SOBP: variants seen among roughly 807,000 people sequenced by gnomAD.
SOBP encodes sine oculis-binding protein homolog.
Under a neutral mutation model 53.6 loss-of-function variants are expected in SOBP, and 4 were observed. That is an observed-to-expected ratio of 0.07 (90% confidence interval 0.04 to 0.17). The LOEUF is 0.17. Ranked by LOEUF, SOBP falls within the 10% of genes least tolerant of loss-of-function variation. The probability of loss-of-function intolerance (pLI) is 1.00; values close to 1 mark genes in which losing one functional copy is unlikely to be tolerated. For missense variants in SOBP, 1,088 were observed against 1,204.7 expected, an observed-to-expected ratio of 0.90 and a Z score of 1.43; for synonymous variants, 584 against 522.6, an observed-to-expected ratio of 1.12 and a Z score of -1.60.
chr6:107,529,412 A>G, intron 3 of SOBP: 3 of 981,920 alleles, frequency 3.1e-6, no homozygotes, highest in South Asian at 9.4e-5. Context: ...ACTTGTCTCA[A>G]ATATAATCCA....
chr6:107,567,512 C>A (rs576846922), intron 4 of SOBP, among the ~76,000 whole-genome samples: 1 of 152,264 alleles, frequency 6.6e-6, no homozygotes, highest in East Asian at 1.9e-4. Context: ...AGAGAAGTCA[C>A]CAGAGCTCAT....
rs78763553 is a variant in SOBP at position 107,577,893 on chromosome 6, G to A, written c.574-9187G>A. 0.015 allele frequency among the ~76,000 whole-genome samples: 2,251 copies of A among 152,178 alleles called. 168 individuals are homozygous for A. The East Asian group carries it at 0.22, about 15-fold the overall frequency. On this transcript the variant is annotated intron_variant, in intron 4 of 6. Coordinates refer to ENST00000317357, the MANE Select transcript of SOBP (RefSeq NM_018013.4). ...TCAAGACCATCCTGGCTAACACGGT[G>A]AAACTCCATCTCTACTAAAAACAGA...
intron 5 of SOBP, among the ~76,000 whole-genome samples, chr6:107,621,631 A>G (rs760346775): frequency 3.3e-5 from 5 of 152,172 alleles, no homozygotes; most frequent in Non-Finnish European, 5.9e-5. Context: ...AGCCCAACAC[A>G]CGGAGCCTTT....
At chr6:107,498,186 A>T (rs1583140912) in intron 1 of SOBP, among the ~76,000 whole-genome samples, 1 of 152,298 alleles carries the variant, frequency 6.6e-6, no homozygotes, top group Non-Finnish European at 1.5e-5. Context: ...TTTGGAATAG[A>T]TGACATATTT....
Position 107,634,681 on chromosome 6 carries a change from G to A in SOBP, c.1837G>A (p.Ala613Thr), listed in dbSNP as rs1432938522. 2.0e-6 allele frequency: 3 copies of A among 1,527,170 alleles called. No individual in the cohort carries two copies. Among genetic ancestry groups the A allele is most frequent in the South Asian group, 1.2e-5 (1 of 83,862 alleles). 94.6% of individuals were successfully genotyped at this position (1,527,170 alleles called of 1,614,324 possible). The change falls in exon 6 of 7, where the codon GCC becomes ACC. Residue 613 changes from alanine (A) to threonine (T), a missense_variant. Coordinates refer to ENST00000317357, the MANE Select transcript of SOBP (RefSeq NM_018013.4). This position sits in a 1 kb window ranked among gnomAD's most constrained non-coding sequence, Gnocchi z 4.5. ...GGCCCTGAGCCTGGCGCCCACGCCCGCCGAGCATGGCCGGAGCGAGGTGGT... is the reference window on the plus strand; with the variant it reads ...GGCCCTGAGCCTGGCGCCCACGCCCACCGAGCATGGCCGGAGCGAGGTGGT... The part of the protein sequence containing the change: ...GQALSLAPTP[A>T]EHGRSEVVDL...
At chr6:107,649,726 C>T (rs567293752) in intron 6 of SOBP, among the ~76,000 whole-genome samples, 2 of 151,926 alleles carry the variant, frequency 1.3e-5, no homozygotes, top group Non-Finnish European at 1.5e-5. Flanking sequence ...TCATGAATCC[C>T]TCCATGGTTT....
chr6:107,620,917 C>T (rs1299395223), intron 5 of SOBP, among the ~76,000 whole-genome samples: 2 of 152,182 alleles, frequency 1.3e-5, no homozygotes, highest in African/African-American at 4.8e-5. Flanking sequence ...GTACAGTTTT[C>T]TTCTGCATCT....
At chr6:107,569,335 A>G (rs970112625) in intron 4 of SOBP, among the ~76,000 whole-genome samples, 2 of 152,206 alleles carry the variant, frequency 1.3e-5, no homozygotes, top group Non-Finnish European at 2.9e-5. Context: ...TTGTTTTTCC[A>G]TGTAAATTTC....
chr6:107,556,830 T>G (rs1192623982), intron 4 of SOBP, among the ~76,000 whole-genome samples: 4 of 152,180 alleles, frequency 2.6e-5, no homozygotes, highest in Non-Finnish European at 5.9e-5. Context: ...TCGGAGCAGA[T>G]GTGTCCATCT....
chr6:107,603,211 C>T (rs139721720), intron 5 of SOBP, among the ~76,000 whole-genome samples: 110 of 152,362 alleles, frequency 7.2e-4, no homozygotes, highest in Non-Finnish European at 9.6e-4. Flanking sequence ...TTCCCTGCTA[C>T]GGCCACTGGC....
At chr6:107,527,022 T>C (rs1033173235) in intron 3 of SOBP, among the ~76,000 whole-genome samples, 2 of 152,236 alleles carry the variant, frequency 1.3e-5, no homozygotes, top group Non-Finnish European at 2.9e-5. Context: ...TGTCATTTAA[T>C]TGCATTATCC....
intron 1 of SOBP, among the ~76,000 whole-genome samples, chr6:107,493,490 C>A (rs986920078): frequency 6.6e-6 from 1 of 152,060 alleles, no homozygotes; most frequent in Non-Finnish European, 1.5e-5. Flanking sequence ...AGGAGGAGGC[C>A]CCCCTTAGGG....
chr6:107,515,987 G>A (rs1039817645), intron 3 of SOBP, among the ~76,000 whole-genome samples: 1 of 151,960 alleles, frequency 6.6e-6, no homozygotes, highest in Non-Finnish European at 1.5e-5. Flanking sequence ...AGTAATAGCT[G>A]CAGCAACAAT....
Position 107,588,142 on chromosome 6 carries a change from G to A in SOBP, c.669+967G>A, listed in dbSNP as rs143308505. Among the ~76,000 whole-genome samples, 81 of 152,230 alleles carry A rather than the reference G, an allele frequency of 5.3e-4. 1 individual carries two copies. The highest frequency in any genetic ancestry group is 3.9e-4 in the Admixed American group (6 of 15,290). On this transcript the variant is annotated intron_variant, in intron 5 of 6. Transcript: ENST00000317357. ...CTAATTTCTGTTTAGTTTTTTGGCC[G>A]ACCAGCTCTGCCAGGTCTCTGCATT... is the stretch of plus-strand genomic sequence containing the variant.
chr6:107,591,872 T>A lies in SOBP; in HGVS notation c.669+4697T>A, dbSNP rs187699434. Reference sequence around the variant, plus strand: ...ACAATTATCAACTCAGGACTAATCATGCTTCATTTTCCTTCCCCGCACCCC... The same window carrying A: ...ACAATTATCAACTCAGGACTAATCAAGCTTCATTTTCCTTCCCCGCACCCC... On this transcript the variant is annotated intron_variant, in intron 5 of 6. Transcript: ENST00000317357. 2.4e-3 allele frequency among the ~76,000 whole-genome samples: 358 copies of A among 152,170 alleles called. 3 individuals carry two copies. The highest frequency in any genetic ancestry group is 8.3e-3 in the African/African-American group (343 of 41,538).
chr6:107,526,949 A>G (rs539197563), intron 3 of SOBP, among the ~76,000 whole-genome samples: 2 of 152,234 alleles, frequency 1.3e-5, no homozygotes, highest in Non-Finnish European at 2.9e-5. Flanking sequence ...AAATCTATTT[A>G]TACAAAAGAA....
intron 5 of SOBP, among the ~76,000 whole-genome samples, chr6:107,610,178 C>T (rs891555312): frequency 1.2e-4 from 18 of 152,222 alleles, no homozygotes; most frequent in African/African-American, 2.9e-4. Flanking sequence ...GGAGGAGCTG[C>T]GAGTAGAAGG....
At chr6:107,594,720 CA>C (rs1370858394) in intron 5 of SOBP, among the ~76,000 whole-genome samples, 1 of 152,226 alleles carries the variant, frequency 6.6e-6, no homozygotes, top group Non-Finnish European at 1.5e-5. Flanking sequence ...CTCCAATGAA[CA>C]AGCACTGTGA....
At chr6:107,585,938 G>A (rs1345923561) in intron 4 of SOBP, among the ~76,000 whole-genome samples, 1 of 152,192 alleles carries the variant, frequency 6.6e-6, no homozygotes, top group Non-Finnish European at 1.5e-5. Context: ...CTGCCACAGT[G>A]TATGCTCATT....
Sources: gnomAD v4.1 joint callset for allele counts (sites outside exome capture counted in the v4.1 genomes callset) on GRCh38, gnomAD v4.1.1 for gene constraint, Gnocchi (gnomAD v3.1) non-coding constraint, MANE v1.5 for transcripts, NCBI Gene and HGNC (gene_info 2026-07-23, HGNC 2026-07-21) for gene names.